SETD5: variants seen among roughly 807,000 people sequenced by gnomAD.
The protein encoded by SETD5 is histone-lysine N-methyltransferase SETD5.
SETD5 carries 44 observed loss-of-function variants against 153.3 expected under a neutral mutation model. The observed-to-expected ratio is 0.29, with a 90% confidence interval of 0.23 to 0.37. SETD5 has a LOEUF of 0.37. Ranked by LOEUF, SETD5 falls within the 10% of genes least tolerant of loss-of-function variation. The pLI, the probability that SETD5 is intolerant of heterozygous loss-of-function variation, is 1.00. For synonymous variants in SETD5, 716 were observed against 645.2 expected (o/e 1.11, Z -1.66); for missense variants, 1,544 against 1,768.0 (o/e 0.87, Z 2.27).
intron 20 of SETD5, among the ~76,000 whole-genome samples, chr3:9,474,142 A>T (rs1337279525): frequency 6.6e-6 from 1 of 152,238 alleles, no homozygotes; most frequent in South Asian, 2.1e-4. Context: ...TTATTAAACC[A>T]GTACTGTGTA....
intron 7 of SETD5, among the ~76,000 whole-genome samples, chr3:9,438,064 T>C (rs2040802537): frequency 6.6e-6 from 1 of 151,962 alleles, no homozygotes; most frequent in African/African-American, 2.4e-5. Context: ...GCAGCACCAG[T>C]GTGACTGGTG....
intron 20 of SETD5, 140 bp downstream of exon 20, chr3:9,473,677 C>G: frequency 1.2e-6 from 1 of 851,130 alleles, no homozygotes; most frequent in Non-Finnish European, 1.8e-6. Context: ...TACCATCTGT[C>G]CTGTTCAGCT....
chr3:9,417,222 T>A (rs1342117052), intron 1 of SETD5, among the ~76,000 whole-genome samples: 3 of 152,154 alleles, frequency 2.0e-5, no homozygotes, highest in Non-Finnish European at 2.9e-5. Context: ...TCACTGCTAT[T>A]ATATAATGCT....
At chr3:9,414,076 A>G (rs2037044580) in intron 1 of SETD5, among the ~76,000 whole-genome samples, 1 of 152,178 alleles carries the variant, frequency 6.6e-6, no homozygotes, top group Non-Finnish European at 1.5e-5. Context: ...CTCCTGGCCA[A>G]GACCTAGAAG....
In SETD5 at chr3:9,418,322, G is replaced by A. The variant is rs11917069; in HGVS notation, c.-176-6145G>A. On this transcript the variant is annotated intron_variant, in intron 1 of 22. Coordinates refer to ENST00000402198, the MANE Select transcript of SETD5 (RefSeq NM_001080517.3). ...ATGCCAGCTAGATTACAGATGGCTA[G>A]CATAAGTTTTTTTCATTACAGAAAG... Among the ~76,000 whole-genome samples, 1,194 of 152,276 alleles carry A rather than the reference G, an allele frequency of 7.8e-3. 18 individuals carry two copies. The highest frequency in any genetic ancestry group is 0.026 in the African/African-American group (1,085 of 41,558).
rs377515500 is a variant in SETD5 at position 9,451,559 on chromosome 3, T to C, written c.2347-2180T>C. On this transcript the variant is annotated intron_variant, in intron 16 of 22. Transcript: ENST00000402198. ...ACCTCCTGGGCTCAAATGGTCCTCC[T>C]ACCTCAACCTCTCGTGTAGCTGGGA... Among the ~76,000 whole-genome samples, 206 of 152,260 alleles carry C rather than the reference T, an allele frequency of 1.4e-3. 5 individuals carry two copies. In the East Asian group the frequency reaches 0.024, roughly 18 times the overall value.
At position 9,456,970 on chromosome 3, in the gene SETD5, G is replaced by A. The variant is rs138721491; in HGVS notation, c.2476+3102G>A. ...CAGCCTGGCAATAGAGTGAGACTCC[G>A]TCTCAAAAAGAAAGAAAGAAAGAAA... On this transcript the variant is annotated intron_variant, in intron 17 of 22. Coordinates refer to ENST00000402198, the MANE Select transcript of SETD5 (RefSeq NM_001080517.3). Among the ~76,000 whole-genome samples, 1,411 of 151,622 alleles carry A rather than the reference G, an allele frequency of 9.3e-3. 15 individuals are homozygous for A. Among genetic ancestry groups the A allele is most frequent in the Middle Eastern group, 0.041 (12 of 294 alleles).
intron 1 of SETD5, among the ~76,000 whole-genome samples, chr3:9,403,334 C>T (rs989195228): frequency 1.3e-5 from 2 of 152,124 alleles, no homozygotes; most frequent in Non-Finnish European, 2.9e-5. Flanking sequence ...GTGCAAGTCA[C>T]CTCCCGAGGA....
intron 1 of SETD5, among the ~76,000 whole-genome samples, chr3:9,408,797 G>C (rs2036114638): frequency 6.6e-6 from 1 of 152,114 alleles, no homozygotes; most frequent in African/African-American, 2.4e-5. Flanking sequence ...AGACCTGGAA[G>C]AGCTTTTGTT....
chr3:9,422,700 G>C (rs898985303), intron 1 of SETD5, among the ~76,000 whole-genome samples: 1 of 152,162 alleles, frequency 6.6e-6, no homozygotes, highest in Non-Finnish European at 1.5e-5. Context: ...AATATATACT[G>C]TGTTCACTTT....
chr3:9,473,683 C>T lies in SETD5; in HGVS notation c.3497+146C>T, dbSNP rs978732986. 8.4e-6 allele frequency: 7 copies of T among 833,156 alleles called. No homozygotes were observed. In the Admixed American group the frequency reaches 1.7e-4, roughly 20 times the overall value. The allele number at this position is 833,156 out of a possible 1,614,324, so 51.6% of individuals were successfully genotyped here. On this transcript the variant is annotated intron_variant, in intron 20 of 22. Coordinates refer to ENST00000402198, the MANE Select transcript of SETD5 (RefSeq NM_001080517.3). Reference sequence around the variant, plus strand: ...AGCCAACAGTACCATCTGTCCTGTTCAGCTGATTTAATAATGTCAGCTGCA... The same window carrying T: ...AGCCAACAGTACCATCTGTCCTGTTTAGCTGATTTAATAATGTCAGCTGCA...
intron 7 of SETD5, among the ~76,000 whole-genome samples, chr3:9,437,962 C>T (rs2040786602): frequency 6.6e-6 from 1 of 151,176 alleles, no homozygotes; most frequent in South Asian, 2.1e-4. Context: ...GAGATCACGC[C>T]ACTGCACTCC....
intron 15 of SETD5, 144 bp from the exon 16 acceptor site, chr3:9,448,244 G>A: frequency 7.6e-7 from 1 of 1,313,492 alleles, no homozygotes; most frequent in Non-Finnish European, 1.0e-6. Context: ...GGTGAAGGAA[G>A]ATATCCTTGT....
At chr3:9,415,515 A>G (rs902251995) in intron 1 of SETD5, among the ~76,000 whole-genome samples, 3 of 152,136 alleles carry the variant, frequency 2.0e-5, no homozygotes, top group Non-Finnish European at 4.4e-5. Flanking sequence ...TTGCTCAGTA[A>G]CCTACTAGAC....
intron 11 of SETD5, among the ~76,000 whole-genome samples, chr3:9,444,532 GCTTT>G (rs1442878289): frequency 6.6e-6 from 1 of 150,634 alleles, no homozygotes; most frequent in South Asian, 2.1e-4. Flanking sequence ...TTTAGGGAGG[GCTTT>G]CTTTTTTTTT....
In SETD5 at chr3:9,473,402, G is replaced by T. The variant is rs753829449; in HGVS notation, c.3362G>T (p.Arg1121Leu). ...GAHGVQGSSARTPSSPHKKFS... is the reference protein window; with the variant it reads ...GAHGVQGSSALTPSSPHKKFS... ...CATGGTGTGCAGGGATCCTCAGCCC[G>T]AACTCCATCTTCCCCTCACAAAAAA... is the stretch of plus-strand genomic sequence containing the variant. The change falls in exon 20 of 23, where the codon CGA becomes CTA. Residue 1121 changes from arginine (R) to leucine (L), a missense_variant. Physicochemically the swap from Arg to Leu is moderately radical, Grantham distance 102. Coordinates refer to ENST00000402198, the MANE Select transcript of SETD5 (RefSeq NM_001080517.3). 6.2e-7 allele frequency: 1 copy of T among 1,613,894 alleles called. No homozygotes were observed. Among genetic ancestry groups the T allele is most frequent in the Admixed American group, 1.7e-5 (1 of 60,014 alleles).
rs1049067352 is a variant in SETD5, at chr3:9,470,656, C to T, written c.2922C>T (p.Asp974=). ...ATCAGACCCTCGTGAGAAACTCAGA[C>T]CAGGCATTTCGGACAGAGTTCAACT... ...DGHQTLVRNS[D]QAFRTEFNLM... Residue 974 remains aspartate, a synonymous_variant, in exon 19 of 23, where the codon GAC becomes GAT. Coordinates refer to ENST00000402198, the MANE Select transcript of SETD5 (RefSeq NM_001080517.3). The T allele has an allele frequency of 1.1e-5, 17 of 1,613,874 alleles. No homozygotes were observed. Among genetic ancestry groups the T allele is most frequent in the Middle Eastern group, 1.6e-4 (1 of 6,084 alleles).
chr3:9,410,983 G>A (rs371005783), intron 1 of SETD5, among the ~76,000 whole-genome samples: 1 of 151,658 alleles, frequency 6.6e-6, no homozygotes, highest in Admixed American at 6.6e-5. Context: ...AGGCGTCCCA[G>A]GTTGAAGCAA....
intron 1 of SETD5, among the ~76,000 whole-genome samples, chr3:9,414,064 G>A (rs758099714): frequency 1.3e-5 from 2 of 152,086 alleles, no homozygotes; most frequent in African/African-American, 2.4e-5. Flanking sequence ...TGTGAGCCAC[G>A]GCTCCTGGCC....
Sources: allele counts gnomAD v4.1 joint callset (sites outside exome capture counted in the v4.1 genomes callset), GRCh38; gene constraint gnomAD v4.1.1; transcripts MANE v1.5; gene names NCBI Gene and HGNC (gene_info 2026-07-23, HGNC 2026-07-21).